Variants in TECTB observed in about 807,000 individuals in gnomAD.
The protein encoded by TECTB is tectorin beta.
Under a neutral mutation model 43.3 loss-of-function variants are expected in TECTB, and 45 were observed. The ratio of observed to expected loss-of-function variants is 1.04; its 90% CI spans 0.82 to 1.33. TECTB has a LOEUF of 1.33. Ranked by LOEUF, TECTB falls within the 40% of genes most tolerant of loss-of-function variation. The probability of loss-of-function intolerance (pLI) is 0.00; values close to 1 mark genes in which losing one functional copy is unlikely to be tolerated. For synonymous variants in TECTB, 169 were observed against 156.7 expected (o/e 1.08, Z -0.59); for missense variants, 399 against 404.7 (o/e 0.99, Z 0.12).
Position 112,293,725 on chromosome 10 carries a change from T to C in TECTB, c.484-13T>C, listed in dbSNP as rs756053621. 3.1e-6 allele frequency: 5 copies of C among 1,612,194 alleles called. No individual in the cohort carries two copies. In the East Asian group the frequency reaches 8.9e-5, roughly 29 times the overall value. ...GAGAGTTCATAATGCCCAGTGTCAA[T>C]TTCCTTCCAAAGAATGCCAAGTTCT... On this transcript the variant is annotated splice_polypyrimidine_tract_variant and intron_variant, in intron 5 of 10. Coordinates refer to ENST00000646139, the MANE Select transcript of TECTB (RefSeq NM_058222.3).
At chr10:112,301,991 G>A in intron 9 of TECTB, 110 bp from the exon 10 acceptor site, 2 of 1,321,648 alleles carry the variant, frequency 1.5e-6, no homozygotes, top group African/African-American at 1.5e-5. Flanking sequence ...GATTACAAGT[G>A]TGAGCCGCAG....
At chr10:112,295,928 C>T (rs923338370) in intron 7 of TECTB, among the ~76,000 whole-genome samples, 1 of 152,168 alleles carries the variant, frequency 6.6e-6, no homozygotes. Context: ...GTGCCTATTA[C>T]GTATGCAGGT....
At chr10:112,293,651 C>A in intron 5 of TECTB, 87 bp from the exon 6 acceptor site, 3 of 1,196,370 alleles carry the variant, frequency 2.5e-6, no homozygotes, top group Non-Finnish European at 2.5e-6. Flanking sequence ...ATTCTCATCC[C>A]CACCCCATCC....
chr10:112,290,164 A>G (rs896352532), intron 5 of TECTB, among the ~76,000 whole-genome samples: 2 of 152,234 alleles, frequency 1.3e-5, no homozygotes, highest in Non-Finnish European at 2.9e-5. Flanking sequence ...TTCCTGGGAT[A>G]TAAATCATCC....
At chr10:112,298,379 T>C in intron 8 of TECTB, 148 bp downstream of exon 8, 1 of 1,039,360 alleles carries the variant, frequency 9.6e-7, no homozygotes, top group Non-Finnish European at 1.4e-6. Flanking sequence ...TAAGGGCAGA[T>C]GCTCGTGAGG....
intron 9 of TECTB, 170 bp downstream of exon 9, chr10:112,299,734 A>C: frequency 6.3e-6 from 4 of 632,300 alleles, no homozygotes; most frequent in Non-Finnish European, 1.1e-5. Context: ...GGAACAGCTC[A>C]AGCCAAACGA....
intron 10 of TECTB, 162 bp from the exon 11 acceptor site, chr10:112,303,101 T>C: frequency 1.3e-6 from 1 of 764,538 alleles, no homozygotes; most frequent in East Asian, 2.5e-5. Context: ...TTCTTTGTAC[T>C]GATAAATGTG....
At chr10:112,293,908 T>G in intron 6 of TECTB, 67 bp downstream of exon 6, 4 of 1,606,526 alleles carry the variant, frequency 2.5e-6, no homozygotes, top group Admixed American at 3.3e-5. Flanking sequence ...TGACATACTT[T>G]TTAATCATCA....
Sources: allele counts gnomAD v4.1 joint callset (sites outside exome capture counted in the v4.1 genomes callset), GRCh38; gene constraint gnomAD v4.1.1; transcripts MANE v1.5; gene names NCBI Gene and HGNC (gene_info 2026-07-23, HGNC 2026-07-21).